The following KCNK2 variants were observed in gnomAD, a reference collection of about 807,000 sequenced individuals.
The protein encoded by KCNK2 is potassium two pore domain channel subfamily K member 2, also known as potassium channel subfamily K member 2.
Under a neutral mutation model 40.5 loss-of-function variants are expected in KCNK2, and 21 were observed. The ratio of observed to expected loss-of-function variants is 0.52; its 90% CI spans 0.37 to 0.75. The LOEUF (loss-of-function observed/expected upper bound fraction) is 0.75. Among genes scored for constraint, KCNK2 ranks in the 30% least tolerant of loss-of-function variants. The pLI is 0.00. For synonymous variants in KCNK2, 191 were observed against 202.2 expected (o/e 0.94, Z 0.47); for missense variants, 399 against 531.6 (o/e 0.75, Z 2.45).
At chr1:215,043,759 A>T (rs1253319005) in intron 1 of KCNK2, among the ~76,000 whole-genome samples, 1 of 152,208 alleles carries the variant, frequency 6.6e-6, no homozygotes, top group Non-Finnish European at 1.5e-5. Flanking sequence ...TTAATGCCAT[A>T]TACTGTATAC....
At chr1:215,086,815 C>A in intron 2 of KCNK2, 137 bp downstream of exon 2, 1 of 693,264 alleles carries the variant, frequency 1.4e-6, no homozygotes, top group Non-Finnish European at 2.5e-6. Flanking sequence ...TAACATATAG[C>A]TCTTTTCCCC....
chr1:215,066,655 A>G (rs1034176266), intron 1 of KCNK2, among the ~76,000 whole-genome samples: 1 of 152,116 alleles, frequency 6.6e-6, no homozygotes, highest in Non-Finnish European at 1.5e-5. Context: ...TTTTGCTTCC[A>G]TGCAATAGTC....
At chr1:215,157,289 G>A (rs1571676604) in intron 3 of KCNK2, among the ~76,000 whole-genome samples, 1 of 152,114 alleles carries the variant, frequency 6.6e-6, no homozygotes, top group African/African-American at 2.4e-5. Context: ...ACTCCCCAAG[G>A]CACAAAAAGA....
At chr1:215,098,417 C>G (rs576891364) in intron 2 of KCNK2, among the ~76,000 whole-genome samples, 2 of 151,998 alleles carry the variant, frequency 1.3e-5, no homozygotes, top group East Asian at 3.9e-4. Context: ...TCCCCCAAAT[C>G]TGTTAGTTTT....
intron 4 of KCNK2, among the ~76,000 whole-genome samples, chr1:215,171,435 T>C (rs2102636805): frequency 6.6e-6 from 1 of 152,246 alleles, no homozygotes; most frequent in Admixed American, 6.6e-5. Flanking sequence ...GCTGTTAGTA[T>C]TATGCTGTAA....
chr1:215,087,192 G>A (rs1314408506), intron 2 of KCNK2, among the ~76,000 whole-genome samples: 5 of 152,182 alleles, frequency 3.3e-5, no homozygotes, highest in Non-Finnish European at 5.9e-5. Flanking sequence ...CTCTTGAGAT[G>A]GGTACCGCTC....
intron 3 of KCNK2, among the ~76,000 whole-genome samples, chr1:215,155,174 C>T (rs2102617321): frequency 6.6e-6 from 1 of 152,246 alleles, no homozygotes; most frequent in African/African-American, 2.4e-5. Context: ...TTCCCCATCA[C>T]TATTTAGTGA....
At chr1:215,233,217 A>G (rs1420881753) in intron 6 of KCNK2, among the ~76,000 whole-genome samples, 3 of 152,120 alleles carry the variant, frequency 2.0e-5, no homozygotes, top group Non-Finnish European at 4.4e-5. Context: ...TCTACATGCC[A>G]TAGAGTTCTC....
At chr1:215,209,381 AAAT>A (rs1665483274) in intron 6 of KCNK2, among the ~76,000 whole-genome samples, 2 of 45,128 alleles carry the variant, frequency 4.4e-5, no homozygotes, top group African/African-American at 7.0e-5. Context: ...ATTATATATA[AAAT>A]ATATATATTA....
intron 3 of KCNK2, among the ~76,000 whole-genome samples, chr1:215,134,123 C>A (rs1322932379): frequency 1.3e-5 from 2 of 149,348 alleles, no homozygotes; most frequent in South Asian, 2.1e-4. Flanking sequence ...AAAAAAAATT[C>A]TCCCACTGTG....
intron 3 of KCNK2, among the ~76,000 whole-genome samples, chr1:215,147,497 C>T (rs1485630153): frequency 6.6e-6 from 1 of 152,212 alleles, no homozygotes; most frequent in African/African-American, 2.4e-5. Context: ...TGATTAGGCT[C>T]TTTCCTCTGC....
intron 3 of KCNK2, among the ~76,000 whole-genome samples, chr1:215,148,946 C>T (rs377417264): frequency 6.6e-6 from 1 of 151,930 alleles, no homozygotes; most frequent in African/African-American, 2.4e-5. Context: ...TTTTTTTCAG[C>T]GAGTAATGAT....
At chr1:215,212,553 T>G (rs1455089778) in intron 6 of KCNK2, among the ~76,000 whole-genome samples, 1 of 152,146 alleles carries the variant, frequency 6.6e-6, no homozygotes, top group African/African-American at 2.4e-5. Flanking sequence ...GAAAGGGTGC[T>G]TAGAGAAAGT....
At chr1:215,126,217 A>ACT (rs1661431077) in intron 3 of KCNK2, among the ~76,000 whole-genome samples, 2 of 152,166 alleles carry the variant, frequency 1.3e-5, no homozygotes, top group Non-Finnish European at 2.9e-5. Context: ...TATTGTTATG[A>ACT]GTCCACTATA....
chr1:215,129,468 G>C (rs1661573456), intron 3 of KCNK2, among the ~76,000 whole-genome samples: 1 of 152,182 alleles, frequency 6.6e-6, no homozygotes. Context: ...ACAGAGAGTA[G>C]ATGATGGAGC....
intron 5 of KCNK2, among the ~76,000 whole-genome samples, chr1:215,175,934 T>C (rs927680712): frequency 6.6e-6 from 1 of 152,146 alleles, no homozygotes; most frequent in East Asian, 1.9e-4. Context: ...ATGCCTTGGC[T>C]ATTGTGAATA....
intron 2 of KCNK2, among the ~76,000 whole-genome samples, chr1:215,101,604 A>G (rs920429066): frequency 6.6e-6 from 1 of 151,994 alleles, no homozygotes; most frequent in Non-Finnish European, 1.5e-5. Flanking sequence ...TGGGAAGTGA[A>G]CAAATGGAAA....
chr1:215,050,815 G>A (rs867967424), intron 1 of KCNK2, among the ~76,000 whole-genome samples: 5 of 152,118 alleles, frequency 3.3e-5, no homozygotes, highest in African/African-American at 4.8e-5. Context: ...TGCTACTGCC[G>A]ATGTCCTCCA....
chr1:215,149,569 A>G (rs1662593120), intron 3 of KCNK2, among the ~76,000 whole-genome samples: 1 of 152,218 alleles, frequency 6.6e-6, no homozygotes, highest in Non-Finnish European at 1.5e-5. Flanking sequence ...TTATGGCCAT[A>G]GTTATCTGCT....
Sources: allele counts gnomAD v4.1 joint callset (sites outside exome capture counted in the v4.1 genomes callset), GRCh38; gene constraint gnomAD v4.1.1; transcripts MANE v1.5; gene names NCBI Gene and HGNC (gene_info 2026-07-23, HGNC 2026-07-21).